The following ZNF469 variants were observed in gnomAD, a reference collection of about 807,000 sequenced individuals.
ZNF469 encodes the protein zinc finger protein 469.
Under a neutral mutation model 1.0 loss-of-function variants are expected in ZNF469, and 1 was observed. That is an observed-to-expected ratio of 1.00 (90% CI 0.35 to 4.73). The LOEUF (loss-of-function observed/expected upper bound fraction) is 4.73. Among genes scored for constraint, ZNF469 ranks in the 30% most tolerant of loss-of-function variants. The pLI is 0.16. For synonymous variants in ZNF469, 2,703 were observed against 2,363.4 expected (o/e 1.14, Z -4.17); for missense variants, 6,100 against 5,356.3 (o/e 1.14, Z -4.33).
the ZNF469 span, among the ~76,000 whole-genome samples, chr16:88,211,565 G>A: frequency 6.6e-6 from 1 of 152,056 alleles, no homozygotes; most frequent in African/African-American, 2.4e-5. Flanking sequence ...GCTCTGTCAT[G>A]TTTCTCTGAT....
chr16:88,139,785 A>G, the ZNF469 span, among the ~76,000 whole-genome samples: 1 of 152,210 alleles, frequency 6.6e-6, no homozygotes. Flanking sequence ...TAAGAAATAG[A>G]ATCTCCAGAC....
Position 88,436,416 on chromosome 16 carries a change from T to C in ZNF469, c.8946T>C (p.Asp2982=), listed in dbSNP as rs1906577411. The C allele has an allele frequency of 6.5e-7, 1 of 1,549,116 alleles. No individual in the cohort carries two copies. The highest frequency in any genetic ancestry group is 1.4e-5 in the African/African-American group (1 of 73,154). Residue 2982 remains aspartate, a synonymous_variant, in exon 3 of 3, where the codon GAT becomes GAC. Coordinates refer to ENST00000565624, the MANE Select transcript of ZNF469 (RefSeq NM_001367624.2). ...TGCCCTCCCACTGCCCCGAGGACGA[T>C]CGGCCGGAGGCCATTCCTGAGCTGC... The part of the protein sequence containing the change: ...EKLPSHCPED[D]RPEAIPELHM...
chr16:88,146,071 T>A, the ZNF469 span, among the ~76,000 whole-genome samples: 1 of 152,210 alleles, frequency 6.6e-6, no homozygotes, highest in Non-Finnish European at 1.5e-5. Context: ...CGGTGCCCGG[T>A]GCAGGGCCTG....
the ZNF469 span, among the ~76,000 whole-genome samples, chr16:88,244,904 C>G: frequency 6.6e-6 from 1 of 151,706 alleles, no homozygotes; most frequent in Admixed American, 6.6e-5. Flanking sequence ...GTGCCAATGA[C>G]AAGAAGAGAC....
At chr16:88,307,501 C>A in the ZNF469 span, among the ~76,000 whole-genome samples, 35 of 152,240 alleles carry the variant, frequency 2.3e-4, 1 homozygote, top group Admixed American at 2.3e-3. Context: ...CTCTCATCAA[C>A]ACCTGTTATT....
At chr16:88,409,942 C>T (rs1004876801) in intron 1 of ZNF469, among the ~76,000 whole-genome samples, 16 of 151,670 alleles carry the variant, frequency 1.1e-4, no homozygotes, top group Non-Finnish European at 2.1e-4. Context: ...TCCAGGCCAG[C>T]TCTGGCTGCT....
At position 88,434,654 on chromosome 16, in the gene ZNF469, G is replaced by C; in HGVS notation, c.7184G>C (p.Arg2395Thr). The C allele has an allele frequency of 1.3e-6, 2 of 1,550,312 alleles. No homozygotes were observed. The highest frequency in any genetic ancestry group is 1.2e-5 in the South Asian group (1 of 84,064). The change falls in exon 3 of 3, where the codon AGG (arginine) becomes ACG (threonine). Residue 2395 changes from arginine to threonine, a missense_variant. By Grantham distance (71) the Arg-to-Thr change is moderately conservative. Transcript: ENST00000565624. ...TGRSGATKMP[R>T]VTCPSTGLGL... ...CGCTCTGGTGCTACCAAGATGCCCAGGGTCACCTGCCCTTCCACAGGACTG... is the reference window on the plus strand; with the variant it reads ...CGCTCTGGTGCTACCAAGATGCCCACGGTCACCTGCCCTTCCACAGGACTG...
chr16:88,427,094 C>T (rs1905738062), intron 2 of ZNF469, among the ~76,000 whole-genome samples: 1 of 152,116 alleles, frequency 6.6e-6, no homozygotes, highest in Non-Finnish European at 1.5e-5. Flanking sequence ...AATCTCTGCG[C>T]TCCACCGCCC....
At chr16:88,295,968 G>A in the ZNF469 span, among the ~76,000 whole-genome samples, 3 of 152,204 alleles carry the variant, frequency 2.0e-5, no homozygotes, top group African/African-American at 7.2e-5. Context: ...TAGAGAAAGG[G>A]CTTGGATGTC....
rs1160694237 is a variant in ZNF469 at position 88,434,546 on chromosome 16, G to A, written c.7076G>A (p.Gly2359Glu). 6.5e-7 allele frequency: 1 copy of A among 1,550,334 alleles called. No homozygotes were observed. The highest frequency in any genetic ancestry group is 2.0e-5 in the Admixed American group (1 of 51,018). The change falls in exon 3 of 3, where the codon GGG (glycine) becomes GAG (glutamate). Residue 2359 changes from glycine to glutamate, a missense_variant. Coordinates refer to ENST00000565624, the MANE Select transcript of ZNF469 (RefSeq NM_001367624.2). ...PTEPPTLQGAGPDSPACLEGE... is the reference protein window; with the variant it reads ...PTEPPTLQGAEPDSPACLEGE... Reference sequence around the variant, plus strand: ...GAGCCTCCCACGCTACAGGGTGCAGGGCCGGACTCCCCCGCCTGCCTGGAA... The same window carrying A: ...GAGCCTCCCACGCTACAGGGTGCAGAGCCGGACTCCCCCGCCTGCCTGGAA...
the ZNF469 span, among the ~76,000 whole-genome samples, chr16:88,339,956 G>T: frequency 6.6e-6 from 1 of 151,952 alleles, no homozygotes; most frequent in Non-Finnish European, 1.5e-5. Context: ...CCTGCAGAGG[G>T]GAGCGAGTGG....
At chr16:88,259,803 C>T in the ZNF469 span, among the ~76,000 whole-genome samples, 1 of 152,216 alleles carries the variant, frequency 6.6e-6, no homozygotes, top group Admixed American at 6.5e-5. The surrounding 1 kb of genome is among the most constrained non-coding windows in gnomAD (Gnocchi z 4.1). Context: ...ACCCCTGACC[C>T]TGGGGTGGGG....
chr16:88,144,159 G>A, the ZNF469 span, among the ~76,000 whole-genome samples: 1 of 152,238 alleles, frequency 6.6e-6, no homozygotes, highest in Admixed American at 6.5e-5. Context: ...GGTCCAGCCT[G>A]TGGCAGTGAG....
Position 88,433,244 on chromosome 16 carries a change from T to G in ZNF469, c.5774T>G (p.Leu1925Arg), listed in dbSNP as rs770417916. 5.8e-6 allele frequency: 9 copies of G among 1,550,138 alleles called. No individual in the cohort carries two copies. The Middle Eastern group carries it at 1.5e-3, about 259-fold the overall frequency. The part of the protein sequence containing the change: ...SKDGILGLQE[L>R]TPAAQSPPRV... Reference sequence around the variant, plus strand: ...GATGGCATCCTGGGCTTGCAGGAGCTGACACCTGCTGCCCAGAGCCCTCCA... The same window carrying G: ...GATGGCATCCTGGGCTTGCAGGAGCGGACACCTGCTGCCCAGAGCCCTCCA... Residue 1925 changes from leucine (L) to arginine (R), a missense_variant, in exon 3 of 3, where the codon CTG (leucine) becomes CGG (arginine). Leu to Arg is a moderately radical substitution (Grantham distance 102). Transcript: ENST00000565624.
At chr16:88,260,206 C>G in the ZNF469 span, among the ~76,000 whole-genome samples, 1 of 150,958 alleles carries the variant, frequency 6.6e-6, no homozygotes, top group African/African-American at 2.4e-5. This position sits in a 1 kb window ranked among gnomAD's most constrained non-coding sequence, Gnocchi z 4.1. Flanking sequence ...TCAGGCTGGT[C>G]TCACACTCCT....
At chr16:88,317,886 C>T in the ZNF469 span, among the ~76,000 whole-genome samples, 15 of 152,338 alleles carry the variant, frequency 9.8e-5, no homozygotes, top group African/African-American at 2.9e-4. Flanking sequence ...TCTCAGAGCT[C>T]GGTGTCATCT....
At chr16:88,264,688 G>T in the ZNF469 span, among the ~76,000 whole-genome samples, 1 of 150,596 alleles carries the variant, frequency 6.6e-6, no homozygotes, top group African/African-American at 2.4e-5. Flanking sequence ...CGGCCTCCCA[G>T]CCCAGCCACA....
chr16:88,421,986 G>C (rs1426611441), intron 1 of ZNF469, among the ~76,000 whole-genome samples: 3 of 151,878 alleles, frequency 2.0e-5, no homozygotes, highest in Non-Finnish European at 4.4e-5. Context: ...TGGATGAGTG[G>C]GTAGATTAGA....
the ZNF469 span, among the ~76,000 whole-genome samples, chr16:88,338,166 A>G: frequency 4.0e-5 from 6 of 150,974 alleles, no homozygotes; most frequent in East Asian, 3.9e-4. Flanking sequence ...AGCGCTGCCA[A>G]TCGCCTGGGG....
Sources: gnomAD v4.1 joint callset for allele counts (sites outside exome capture counted in the v4.1 genomes callset) on GRCh38, gnomAD v4.1.1 for gene constraint, Gnocchi (gnomAD v3.1) non-coding constraint, MANE v1.5 for transcripts, NCBI Gene and HGNC (gene_info 2026-07-23, HGNC 2026-07-21) for gene names.